The following ATP10D variants were observed in gnomAD, a reference collection of about 807,000 sequenced individuals.
ATP10D encodes the protein phospholipid-transporting ATPase VD.
ATP10D carries 89 observed loss-of-function variants against 144.8 expected under a neutral mutation model. That is an observed-to-expected ratio of 0.61 (90% CI 0.52 to 0.73). The LOEUF is 0.73. Ranked by LOEUF, ATP10D falls within the 30% of genes least tolerant of loss-of-function variation. The pLI is 0.00. For synonymous variants in ATP10D, 571 were observed against 615.1 expected (o/e 0.93, Z 1.06); for missense variants, 1,603 against 1,714.8 (o/e 0.93, Z 1.15).
chr4:47,487,625 C>T (rs1054643614), intron 1 of ATP10D, among the ~76,000 whole-genome samples: 4 of 152,180 alleles, frequency 2.6e-5, no homozygotes, highest in East Asian at 1.9e-4. Context: ...CACTATTCCT[C>T]GTCAGTTATT....
At chr4:47,498,309 T>C (rs1715505183) in intron 1 of ATP10D, among the ~76,000 whole-genome samples, 3 of 152,234 alleles carry the variant, frequency 2.0e-5, no homozygotes, top group African/African-American at 7.2e-5. Context: ...TTGTGAAGGA[T>C]TGTCCTGTGT....
chr4:47,585,341 TC>T (rs1434532736), intron 21 of ATP10D, among the ~76,000 whole-genome samples: 2 of 1,482 alleles, frequency 1.3e-3, no homozygotes, highest in East Asian at 0.2. Flanking sequence ...TGAATTTAAA[TC>T]TTTTTTTATT....
rs1248068977 is a variant in ATP10D, at chr4:47,580,446, C to A, written c.3616C>A (p.Gln1206Lys). ...FWITLLDAFY[Q>K]SLVCFFVPYF... Reference sequence around the variant, plus strand: ...GATCACCTTATTGGATGCTTTTTATCAAAGCCTGGTCTGCTTCTTTGTGCC... The same window carrying A: ...GATCACCTTATTGGATGCTTTTTATAAAAGCCTGGTCTGCTTCTTTGTGCC... The change falls in exon 20 of 23, where the codon CAA becomes AAA. Residue 1206 changes from glutamine to lysine, a missense_variant. Physicochemically the swap from Gln to Lys is moderately conservative, Grantham distance 53 (BLOSUM62 1). Transcript: ENST00000273859. 2 of 1,613,662 alleles carry A rather than the reference C, an allele frequency of 1.2e-6. No homozygotes were observed. Among genetic ancestry groups the A allele is most frequent in the African/African-American group, 1.3e-5 (1 of 75,002 alleles).
At chr4:47,581,911 C>T in intron 20 of ATP10D, 49 bp from the exon 21 acceptor site, 1 of 1,467,610 alleles carries the variant, frequency 6.8e-7, no homozygotes, top group Admixed American at 1.7e-5. Context: ...ATGTTACCCA[C>T]ACCAAGTTGC....
At chr4:47,534,689 A>G (rs138809042) in intron 5 of ATP10D, among the ~76,000 whole-genome samples, 64 of 152,326 alleles carry the variant, frequency 4.2e-4, no homozygotes, top group Non-Finnish European at 7.4e-4. Context: ...GAAAATGATA[A>G]TTTTTAAATT....
chr4:47,554,717 G>T lies in ATP10D; in HGVS notation c.1636-9G>T. The T allele has an allele frequency of 1.3e-6, 2 of 1,595,422 alleles. No homozygotes were observed. The highest frequency in any genetic ancestry group is 1.1e-5 in the South Asian group (1 of 87,846). On this transcript the variant is annotated splice_polypyrimidine_tract_variant and intron_variant, in intron 10 of 22. Coordinates refer to ENST00000273859, the MANE Select transcript of ATP10D (RefSeq NM_020453.4). ...CTTATAACAACACACTGTCTTATTG[G>T]ATCTTCAGGAAACAGACGTGGTACC... is the stretch of plus-strand genomic sequence containing the variant.
At chr4:47,528,458 GGTGTGTGTGTGTGTGTGTGTGTGTGT>G (rs372960268) in intron 5 of ATP10D, among the ~76,000 whole-genome samples, 44 of 116,272 alleles carry the variant, frequency 3.8e-4, no homozygotes, top group Middle Eastern at 4.6e-3. Flanking sequence ...AGTAGTCCAT[GGTGTGTGTGTGTGTGTGTGTGTGTGT>G]GTGTGTGTGT....
intron 16 of ATP10D, among the ~76,000 whole-genome samples, chr4:47,571,369 A>T (rs2109463259): frequency 6.7e-6 from 1 of 149,958 alleles, no homozygotes; most frequent in East Asian, 1.9e-4. Context: ...ATTATAACTT[A>T]TAATAATATT....
intron 15 of ATP10D, among the ~76,000 whole-genome samples, chr4:47,564,066 A>G (rs888004145): frequency 1.3e-5 from 2 of 152,024 alleles, no homozygotes; most frequent in Non-Finnish European, 2.9e-5. Flanking sequence ...TAATTTTTGT[A>G]TTTTTAGTAG....
At chr4:47,571,209 C>A (rs1475671046) in intron 16 of ATP10D, among the ~76,000 whole-genome samples, 1 of 151,008 alleles carries the variant, frequency 6.6e-6, no homozygotes, top group Non-Finnish European at 1.5e-5. Flanking sequence ...CAGATGTTTC[C>A]AAAGCAAAAA....
intron 10 of ATP10D, among the ~76,000 whole-genome samples, chr4:47,553,412 A>T (rs531185207): frequency 6.6e-6 from 1 of 152,334 alleles, no homozygotes; most frequent in South Asian, 2.1e-4. Context: ...ATTTAGATAG[A>T]AACTTAGCAA....
At chr4:47,587,848 A>T (rs1316625222) in intron 22 of ATP10D, among the ~76,000 whole-genome samples, 1 of 152,202 alleles carries the variant, frequency 6.6e-6, no homozygotes, top group Non-Finnish European at 1.5e-5. Context: ...GGGAATAAAC[A>T]TTCCAACCAT....
At chr4:47,563,961 C>G (rs538523580) in intron 15 of ATP10D, among the ~76,000 whole-genome samples, 196 bp downstream of exon 15, 1 of 152,254 alleles carries the variant, frequency 6.6e-6, no homozygotes, top group South Asian at 2.1e-4. Context: ...GGTGCAATAT[C>G]TTGGCTCACT....
At chr4:47,509,589 A>G (rs1716205343) in intron 1 of ATP10D, among the ~76,000 whole-genome samples, 1 of 152,228 alleles carries the variant, frequency 6.6e-6, no homozygotes, top group Admixed American at 6.5e-5. Flanking sequence ...TTTCAAGTGT[A>G]CAACATATTG....
At position 47,557,663 on chromosome 4, in the gene ATP10D, G is replaced by T. The variant is rs745451255; in HGVS notation, c.1825-1G>T. On this transcript the variant is annotated splice_acceptor_variant, in intron 11 of 22. Transcript: ENST00000273859. LOFTEE classifies it high-confidence loss of function. Reference sequence around the variant, plus strand: ...AGACCTTTCTAAATTGTCTTTCATAGATCAGACACCCTTCACTGGGGGGGT... The same window carrying T: ...AGACCTTTCTAAATTGTCTTTCATATATCAGACACCCTTCACTGGGGGGGT... 3.1e-6 allele frequency: 5 copies of T among 1,603,282 alleles called. No individual in the cohort carries two copies. The South Asian group carries it at 5.5e-5, about 18-fold the overall frequency.
At chr4:47,590,228 G>A (rs1720968898) in intron 22 of ATP10D, among the ~76,000 whole-genome samples, 1 of 152,112 alleles carries the variant, frequency 6.6e-6, no homozygotes, top group African/African-American at 2.4e-5. Flanking sequence ...AAGTGTCAAA[G>A]TTGTGTCCTG....
intron 18 of ATP10D, among the ~76,000 whole-genome samples, chr4:47,574,964 C>T (rs1268449633): frequency 6.6e-6 from 1 of 152,024 alleles, no homozygotes; most frequent in African/African-American, 2.4e-5. Context: ...CCATACTTAG[C>T]TAATTTCTGT....
chr4:47,512,889 T>C (rs1484107906), intron 2 of ATP10D, 59 bp downstream of exon 2: 9 of 1,463,198 alleles, frequency 6.2e-6, no homozygotes, highest in Non-Finnish European at 8.3e-6. Flanking sequence ...ATATAACATA[T>C]TTTTCATTTT....
Position 47,485,454 on chromosome 4 carries a change from T to C in ATP10D, c.-103T>C. The stretch of plus-strand genomic sequence containing the variant: ...CGCTTTCACTCTTCGAATTTGTGCT[T>C]AGCTCTTTTCTTGTACCTTGCGACT... On this transcript the variant is annotated 5_prime_UTR_variant, in exon 1 of 23. The change abolishes the stop of an existing upstream ORF in the 5' untranslated region. Transcript: ENST00000273859. The C allele has an allele frequency of 6.6e-6, 1 of 152,012 alleles. No homozygotes were observed. 9.4% of individuals were successfully genotyped at this position (152,012 alleles called of 1,614,324 possible). A position where few individuals can be genotyped will look rare whatever the true frequency, so the allele number is the denominator to read the frequency against.
Sources: gnomAD v4.1 joint callset for allele counts (sites outside exome capture counted in the v4.1 genomes callset) on GRCh38, gnomAD v4.1.1 for gene constraint, MANE v1.5 for transcripts, NCBI Gene and HGNC (gene_info 2026-07-23, HGNC 2026-07-21) for gene names.